The following DAPK1 variants were observed in gnomAD, a reference collection of about 807,000 sequenced individuals.
The protein encoded by DAPK1 is death associated protein kinase 1.
Under a neutral mutation model 144.9 loss-of-function variants are expected in DAPK1, and 56 were observed. That is an observed-to-expected ratio of 0.39 (90% CI 0.31 to 0.48). DAPK1 has a LOEUF of 0.48. Among genes scored for constraint, DAPK1 ranks in the 20% least tolerant of loss-of-function variants. The pLI is 0.95. For synonymous variants in DAPK1, 690 were observed against 749.0 expected (o/e 0.92, Z 1.29); for missense variants, 1,454 against 1,875.4 (o/e 0.78, Z 4.15).
rs951512421 is a variant in DAPK1, at chr9:87,619,171, G to T, written c.284+13996G>T. On this transcript the variant is annotated intron_variant, in intron 3 of 25. Transcript: ENST00000408954. Reference sequence around the variant, plus strand: ...CCCAGCTCACATGTCACCCTCTCTGGATTTCCTACCCACTCCAGTTAGGTT... The same window carrying T: ...CCCAGCTCACATGTCACCCTCTCTGTATTTCCTACCCACTCCAGTTAGGTT... 8.5e-5 allele frequency among the ~76,000 whole-genome samples: 13 copies of T among 152,208 alleles called. 1 individual carries two copies. The highest frequency in any genetic ancestry group is 2.9e-4 in the African/African-American group (12 of 41,532).
At chr9:87,681,900 T>A in intron 20 of DAPK1, 1 of 526,404 alleles carries the variant, frequency 1.9e-6, no homozygotes, top group South Asian at 2.1e-5. Flanking sequence ...ATGTGCAAAC[T>A]GCAGAATTTG....
chr9:87,706,997 C>T lies in DAPK1; in HGVS notation c.3926C>T (p.Thr1309Ile), dbSNP rs752987582. The T allele has an allele frequency of 1.9e-6, 3 of 1,613,488 alleles. No homozygotes were observed. The highest frequency in any genetic ancestry group is 8.5e-7 in the Non-Finnish European group (1 of 1,179,842). ...DIHASDLNLL[T>I]RRKLSRLLDP... ...CATGCATCAGACCTGAACCTCCTCA[C>T]TCGGAGGAAACTGAGTCGCCTGCTG... Residue 1309 changes from threonine (T) to isoleucine (I), a missense_variant, in exon 26 of 26, where the codon ACT becomes ATT. Thr to Ile is a moderately conservative substitution (Grantham distance 89). Transcript: ENST00000408954. This position sits in a 1 kb window ranked among gnomAD's most constrained non-coding sequence, Gnocchi z 9.0.
intron 3 of DAPK1, among the ~76,000 whole-genome samples, chr9:87,610,530 C>G (rs1017853256): frequency 1.3e-5 from 2 of 152,252 alleles, no homozygotes; most frequent in Non-Finnish European, 2.9e-5. Flanking sequence ...CTTTCCATTC[C>G]TAAACTTGCT....
intron 2 of DAPK1, among the ~76,000 whole-genome samples, chr9:87,583,773 G>A (rs1030013384): frequency 1.3e-5 from 2 of 152,134 alleles, no homozygotes; most frequent in African/African-American, 4.8e-5. Flanking sequence ...CCACTGACTA[G>A]TCCACCCTTT....
chr9:87,604,471 A>G (rs1828642442), intron 2 of DAPK1, among the ~76,000 whole-genome samples: 1 of 152,096 alleles, frequency 6.6e-6, no homozygotes. Flanking sequence ...AAAATAATAG[A>G]CCTTTTTCTG....
At chr9:87,670,200 C>T (rs1489458775) in intron 19 of DAPK1, among the ~76,000 whole-genome samples, 2 of 151,978 alleles carry the variant, frequency 1.3e-5, no homozygotes, top group Non-Finnish European at 2.9e-5. Flanking sequence ...CAAGGGAGAT[C>T]CCGTGAGTCG....
chr9:87,498,058 C>A lies in DAPK1; in HGVS notation c.-158C>A. On this transcript the variant is annotated 5_prime_UTR_variant, in exon 1 of 26. Coordinates refer to ENST00000408954, the MANE Select transcript of DAPK1 (RefSeq NM_004938.4). ...AGTCTCCGGCGCTGGCGCCTATGGT[C>A]GGCCTCCGACAGCGCTCCGGAGGGA... 2 of 397,284 alleles carry A rather than the reference C, an allele frequency of 5.0e-6. No homozygotes were observed. The highest frequency in any genetic ancestry group is 1.3e-4 in the South Asian group (1 of 7,582). 24.6% of individuals were successfully genotyped at this position (397,284 alleles called of 1,614,324 possible). A position where few individuals can be genotyped will look rare whatever the true frequency, so the allele number is the denominator to read the frequency against.
chr9:87,630,209 T>G (rs1564031569), intron 3 of DAPK1, among the ~76,000 whole-genome samples: 1 of 152,236 alleles, frequency 6.6e-6, no homozygotes, highest in African/African-American at 2.4e-5. Context: ...TGGGGAGATT[T>G]GTTACATGGC....
At chr9:87,611,692 C>G (rs1159071651) in intron 3 of DAPK1, among the ~76,000 whole-genome samples, 1 of 152,182 alleles carries the variant, frequency 6.6e-6, no homozygotes. Context: ...TGGGCTTATG[C>G]AGCCCTCTCA....
intron 2 of DAPK1, among the ~76,000 whole-genome samples, chr9:87,551,732 ACT>A (rs1307850682): frequency 1.3e-5 from 2 of 151,990 alleles, no homozygotes; most frequent in Non-Finnish European, 2.9e-5. Flanking sequence ...GGGCCCATGA[ACT>A]CTCTCAGGGA....
chr9:87,528,672 C>T (rs1240180268), intron 2 of DAPK1, among the ~76,000 whole-genome samples: 1 of 151,910 alleles, frequency 6.6e-6, no homozygotes, highest in African/African-American at 2.4e-5. Flanking sequence ...CTCCTGAGCT[C>T]AGGCCTGGGC....
At chr9:87,545,750 G>A (rs1826228500) in intron 2 of DAPK1, among the ~76,000 whole-genome samples, 2 of 151,930 alleles carry the variant, frequency 1.3e-5, no homozygotes, top group Non-Finnish European at 2.9e-5. Flanking sequence ...TCACCATGTT[G>A]GTCAGGCTGG....
chr9:87,505,766 T>G (rs1179439170), intron 2 of DAPK1, among the ~76,000 whole-genome samples: 1 of 152,200 alleles, frequency 6.6e-6, no homozygotes, highest in Non-Finnish European at 1.5e-5. Flanking sequence ...CTTGGCTCAC[T>G]GCAACCTCTG....
chr9:87,548,365 C>T (rs1477305549), intron 2 of DAPK1, among the ~76,000 whole-genome samples: 2 of 152,170 alleles, frequency 1.3e-5, no homozygotes, highest in Non-Finnish European at 2.9e-5. Flanking sequence ...TCAGTATCAC[C>T]ATCTGTAAAA....
intron 2 of DAPK1, among the ~76,000 whole-genome samples, chr9:87,584,897 G>A (rs368965465): frequency 2.0e-4 from 30 of 152,182 alleles, no homozygotes; most frequent in South Asian, 1.0e-3. Context: ...GGCTGGCCTC[G>A]AACTCCTGAC....
At chr9:87,523,067 T>A (rs1825360104) in intron 2 of DAPK1, among the ~76,000 whole-genome samples, 1 of 151,718 alleles carries the variant, frequency 6.6e-6, no homozygotes, top group Non-Finnish European at 1.5e-5. Context: ...TTTCTCCCCA[T>A]GATTTTTTTT....
intron 2 of DAPK1, among the ~76,000 whole-genome samples, chr9:87,511,668 TTGTGTGTGTGTG>T (rs59377718): frequency 2.3e-4 from 32 of 140,744 alleles, no homozygotes; most frequent in African/African-American, 5.3e-4. Flanking sequence ...TCTTTTTCTT[TTGTGTGTGTGTG>T]TGTGTGTGTG....
At chr9:87,663,725 CCT>C (rs1830947631) in intron 18 of DAPK1, among the ~76,000 whole-genome samples, 1 of 152,062 alleles carries the variant, frequency 6.6e-6, no homozygotes, top group Non-Finnish European at 1.5e-5. Flanking sequence ...CCTGCTTGCC[CCT>C]GAGTGCCAGC....
chr9:87,602,423 C>T (rs867257280), intron 2 of DAPK1, among the ~76,000 whole-genome samples: 6 of 152,168 alleles, frequency 3.9e-5, no homozygotes, highest in African/African-American at 2.4e-5. Flanking sequence ...ACAGTTCCCT[C>T]GGGCATGAGC....
Sources: allele counts gnomAD v4.1 joint callset (sites outside exome capture counted in the v4.1 genomes callset), GRCh38; gene constraint gnomAD v4.1.1; non-coding constraint Gnocchi (gnomAD v3.1); transcripts MANE v1.5; gene names NCBI Gene and HGNC (gene_info 2026-07-23, HGNC 2026-07-21).